Variants in TMEM232 observed in about 807,000 individuals in gnomAD.
TMEM232 encodes the protein transmembrane protein 232.
Under a neutral mutation model 78.8 loss-of-function variants are expected in TMEM232, and 80 were observed. The ratio of observed to expected loss-of-function variants is 1.01; its 90% confidence interval spans 0.85 to 1.22. TMEM232 has a LOEUF of 1.22. TMEM232 is among the 50% of genes most tolerant of loss of function. The pLI is 0.00. For synonymous variants in TMEM232, 297 were observed against 254.3 expected (o/e 1.17, Z -1.60); for missense variants, 881 against 742.2 (o/e 1.19, Z -2.17).
At chr5:110,620,209 T>C (rs946971112) in intron 7 of TMEM232, among the ~76,000 whole-genome samples, 14 of 152,194 alleles carry the variant, frequency 9.2e-5, no homozygotes, top group African/African-American at 3.1e-4. Flanking sequence ...CATCCTCTCA[T>C]GTCTGGGATT....
intron 8 of TMEM232, among the ~76,000 whole-genome samples, chr5:110,615,958 T>C (rs1388107056): frequency 6.6e-6 from 1 of 152,054 alleles, no homozygotes; most frequent in Non-Finnish European, 1.5e-5. Context: ...TCCATGTTCA[T>C]GGATAGGAAA....
chr5:110,690,447 T>G (rs1793978364), intron 1 of TMEM232, among the ~76,000 whole-genome samples: 1 of 152,154 alleles, frequency 6.6e-6, no homozygotes, highest in South Asian at 2.1e-4. Flanking sequence ...CCACTTAGAA[T>G]GGCGATCATT....
At chr5:110,690,969 T>C (rs574955931) in intron 1 of TMEM232, among the ~76,000 whole-genome samples, 2 of 151,144 alleles carry the variant, frequency 1.3e-5, no homozygotes, top group Admixed American at 6.6e-5. Flanking sequence ...CACTAGGGAC[T>C]GTTGGGGGTG....
chr5:110,720,545 G>A (rs907812193), intron 1 of TMEM232: 1 of 152,110 alleles, frequency 6.6e-6, no homozygotes, highest in Non-Finnish European at 1.5e-5. Context: ...CACTTGAGGG[G>A]AAGATGGCAT....
At chr5:110,684,094 AAAAC>A (rs1299148229) in intron 1 of TMEM232, among the ~76,000 whole-genome samples, 1 of 152,020 alleles carries the variant, frequency 6.6e-6, no homozygotes. Flanking sequence ...AGGAAAAACT[AAAAC>A]AAACATGATA....
At chr5:110,702,084 G>T (rs1263204723) in intron 1 of TMEM232, among the ~76,000 whole-genome samples, 1 of 151,864 alleles carries the variant, frequency 6.6e-6, no homozygotes, top group Non-Finnish European at 1.5e-5. Flanking sequence ...TACTCTCATG[G>T]TACAGCAGTT....
intron 8 of TMEM232, among the ~76,000 whole-genome samples, chr5:110,612,996 C>T (rs1782501106): frequency 6.6e-6 from 1 of 152,174 alleles, no homozygotes; most frequent in African/African-American, 2.4e-5. Context: ...TGCCTTCCAG[C>T]AAGCTGCTTA....
chr5:110,442,612 A>C (rs1759188150), intron 12 of TMEM232, among the ~76,000 whole-genome samples: 1 of 151,886 alleles, frequency 6.6e-6, no homozygotes, highest in South Asian at 2.1e-4. Flanking sequence ...GTTTCTTCAG[A>C]ATTTGTCCTT....
chr5:110,722,472 G>A lies in TMEM232; in HGVS notation c.-13+4155C>T, dbSNP rs551495856. On this transcript the variant is annotated intron_variant, in intron 1 of 13. Transcript: ENST00000455884. ...GTAGGATCCACTTCCAGGGTGGTTT[G>A]TTCACTACACGGCTGTCAAGTAAAC... Among the ~76,000 whole-genome samples the A allele has an allele frequency of 1.8e-4, 28 of 152,232 alleles. No homozygotes were observed. The South Asian group carries it at 5.6e-3, about 30-fold the overall frequency.
intron 1 of TMEM232, among the ~76,000 whole-genome samples, chr5:110,722,046 A>T (rs1797701430): frequency 6.6e-6 from 1 of 152,008 alleles, no homozygotes; most frequent in African/African-American, 2.4e-5. Context: ...ATATCACATA[A>T]AACATTGTCA....
At chr5:110,538,689 G>T (rs1013856446) in intron 11 of TMEM232, among the ~76,000 whole-genome samples, 2 of 152,166 alleles carry the variant, frequency 1.3e-5, no homozygotes, top group African/African-American at 4.8e-5. Context: ...GCAAAAGCAG[G>T]AATTAGATGA....
chr5:110,496,913 A>C (rs1316325686), intron 12 of TMEM232, among the ~76,000 whole-genome samples: 3 of 152,104 alleles, frequency 2.0e-5, no homozygotes, highest in Admixed American at 1.3e-4. Flanking sequence ...TTGGTATTGA[A>C]TGAAAAAGTA....
intron 12 of TMEM232, among the ~76,000 whole-genome samples, chr5:110,503,157 C>G (rs1766460776): frequency 6.6e-6 from 1 of 152,160 alleles, no homozygotes; most frequent in Admixed American, 6.6e-5. Flanking sequence ...GCCACTCTGA[C>G]AGCTAGACTG....
intron 11 of TMEM232, among the ~76,000 whole-genome samples, chr5:110,543,390 G>A (rs1773404183): frequency 1.3e-5 from 2 of 152,096 alleles, no homozygotes. Context: ...TCAGTCAAAT[G>A]TATACTTTCC....
At chr5:110,482,056 A>C (rs1247990522) in intron 12 of TMEM232, among the ~76,000 whole-genome samples, 2 of 152,172 alleles carry the variant, frequency 1.3e-5, no homozygotes, top group East Asian at 3.8e-4. Flanking sequence ...ACCAAGAATC[A>C]TAATATATTT....
At chr5:110,434,223 C>G (rs1402556945) in intron 12 of TMEM232, among the ~76,000 whole-genome samples, 1 of 149,356 alleles carries the variant, frequency 6.7e-6, no homozygotes, top group Non-Finnish European at 1.5e-5. Flanking sequence ...AGACTGCTAA[C>G]TAGATTAAAA....
rs74674091 is a variant in TMEM232, at chr5:110,452,251, G to A, written c.1704-27335C>T. On this transcript the variant is annotated intron_variant, in intron 12 of 13. Transcript: ENST00000455884. ...AAAATAATAATTATATATTGGGTGG[G>A]TAAAATGTATTTTGTATACAGACAA... 8.1e-3 allele frequency among the ~76,000 whole-genome samples: 1,231 copies of A among 152,130 alleles called. 16 individuals carry two copies. Among genetic ancestry groups the A allele is most frequent in the African/African-American group, 0.028 (1,168 of 41,490 alleles).
chr5:110,532,396 T>C (rs553043213), intron 11 of TMEM232, among the ~76,000 whole-genome samples: 28 of 151,614 alleles, frequency 1.8e-4, no homozygotes, highest in South Asian at 8.4e-4. Flanking sequence ...GGAAGGTAAG[T>C]CCGTCCCCTT....
chr5:110,422,595 T>G (rs911101308), intron 13 of TMEM232, among the ~76,000 whole-genome samples: 1 of 141,600 alleles, frequency 7.1e-6, no homozygotes, highest in African/African-American at 2.6e-5. Context: ...TGCCAGCAAA[T>G]TAAAATTCTT....
Sources: gnomAD v4.1 joint callset for allele counts (sites outside exome capture counted in the v4.1 genomes callset) on GRCh38, gnomAD v4.1.1 for gene constraint, MANE v1.5 for transcripts, NCBI Gene and HGNC (gene_info 2026-07-23, HGNC 2026-07-21) for gene names.